Variants in TPRG1 observed in about 807,000 individuals in gnomAD.
The protein encoded by TPRG1 is tumor protein p63 regulated 1.
A neutral mutation model predicts 29.3 loss-of-function variants in TPRG1; 29 were observed. That is an observed-to-expected ratio of 0.99 (90% CI 0.74 to 1.35). The LOEUF (loss-of-function observed/expected upper bound fraction) is 1.35. TPRG1 is among the 40% of genes most tolerant of loss of function. TPRG1 has a pLI of 0.00. For missense variants in TPRG1, 327 were observed against 335.0 expected, an observed-to-expected ratio of 0.98 and a Z score of 0.19; for synonymous variants, 130 against 116.8, an observed-to-expected ratio of 1.11 and a Z score of -0.73.
At chr3:189,166,279 A>G (rs1728158085) in intron 5 of TPRG1, among the ~76,000 whole-genome samples, 1 of 152,164 alleles carries the variant, frequency 6.6e-6, no homozygotes, top group African/African-American at 2.4e-5. Context: ...CAAGTTTTTG[A>G]ATTGAACTGT....
intron 4 of TPRG1, among the ~76,000 whole-genome samples, chr3:189,281,673 A>G (rs185207548): frequency 5.3e-5 from 8 of 152,280 alleles, no homozygotes; most frequent in Non-Finnish European, 8.8e-5. Flanking sequence ...TAATGTATAA[A>G]TCCAAGCTAA....
intron 2 of TPRG1, among the ~76,000 whole-genome samples, chr3:189,210,003 T>C (rs576693544): frequency 4.6e-5 from 7 of 152,158 alleles, no homozygotes; most frequent in South Asian, 2.1e-4. Flanking sequence ...AATATAACTG[T>C]TGGCTTAACT....
intron 3 of TPRG1, among the ~76,000 whole-genome samples, chr3:189,230,327 T>C (rs1355627260): frequency 6.6e-6 from 1 of 152,210 alleles, no homozygotes; most frequent in Non-Finnish European, 1.5e-5. Context: ...AGCTGGATTC[T>C]GGCCTTGGCT....
At chr3:189,266,266 T>C (rs141157293) in intron 4 of TPRG1, among the ~76,000 whole-genome samples, 1 of 152,336 alleles carries the variant, frequency 6.6e-6, no homozygotes, top group African/African-American at 2.4e-5. Flanking sequence ...TACTTTCCAA[T>C]TTGCTTTGCT....
At chr3:189,216,040 A>T (rs1313188453) in intron 3 of TPRG1, among the ~76,000 whole-genome samples, 1 of 152,200 alleles carries the variant, frequency 6.6e-6, no homozygotes, top group Non-Finnish European at 1.5e-5. Context: ...TGTTTGTGTG[A>T]CCATCTCTTT....
rs1288135830 is a variant in TPRG1, at chr3:189,222,340, T to TA, written c.302+6965dup. On this transcript the variant is annotated intron_variant, in intron 3 of 5. Coordinates refer to ENST00000345063, the MANE Select transcript of TPRG1 (RefSeq NM_198485.4). ...ACCAATAATTAAAAAGGAAAAAGGT[T>TA]AAAAAAAACTGGAAATCAGAGATTT... Among the ~76,000 whole-genome samples, 28 of 152,036 alleles carry TA rather than the reference T, an allele frequency of 1.8e-4. No individual in the cohort carries two copies. The South Asian group carries it at 1.9e-3, about 10-fold the overall frequency.
chr3:189,168,462 T>A (rs1363751511), upstream of TPRG1, among the ~76,000 whole-genome samples: 1 of 152,216 alleles, frequency 6.6e-6, no homozygotes, highest in Non-Finnish European at 1.5e-5. Context: ...ATTCGTTTAC[T>A]CATCCACCCA....
intron 5 of TPRG1, among the ~76,000 whole-genome samples, chr3:189,166,401 C>T (rs763232044): frequency 2.6e-5 from 4 of 152,184 alleles, no homozygotes; most frequent in Non-Finnish European, 5.9e-5. Flanking sequence ...CAGTTTGATA[C>T]TTAGTAGCAT....
intron 4 of TPRG1, among the ~76,000 whole-genome samples, chr3:189,277,031 T>C (rs73184457): frequency 0.012 from 1,818 of 152,286 alleles, 19 homozygotes; most frequent in Non-Finnish European, 0.02. Context: ...GTCTCCACTA[T>C]AATTGCAGCA....
chr3:189,227,419 A>G (rs1175668127), intron 3 of TPRG1, among the ~76,000 whole-genome samples: 1 of 152,218 alleles, frequency 6.6e-6, no homozygotes, highest in East Asian at 1.9e-4. Flanking sequence ...TGTCCCTGGC[A>G]CAGGGCTTTG....
upstream of TPRG1, among the ~76,000 whole-genome samples, chr3:189,096,387 T>C (rs1718681423): frequency 6.6e-6 from 1 of 152,216 alleles, no homozygotes; most frequent in African/African-American, 2.4e-5. Flanking sequence ...GCACTTCATC[T>C]CTCCTCTGCT....
intron 3 of TPRG1, among the ~76,000 whole-genome samples, chr3:189,228,053 G>A (rs541128291): frequency 5.6e-4 from 85 of 152,174 alleles, no homozygotes; most frequent in African/African-American, 1.9e-3. Flanking sequence ...CCTGGGAGGC[G>A]GAGGTTGCAG....
intron 4 of TPRG1, among the ~76,000 whole-genome samples, chr3:189,244,855 A>G (rs1741146993): frequency 6.6e-6 from 1 of 152,134 alleles, no homozygotes; most frequent in Non-Finnish European, 1.5e-5. Context: ...TAACAAGATC[A>G]TGCTTTTCAC....
chr3:189,192,581 A>G (rs1438119659), intron 1 of TPRG1, among the ~76,000 whole-genome samples: 1 of 152,208 alleles, frequency 6.6e-6, no homozygotes, highest in Non-Finnish European at 1.5e-5. Flanking sequence ...GATCCTCAAG[A>G]GATCAAATAA....
At chr3:189,224,962 C>T (rs1311413421) in intron 3 of TPRG1, among the ~76,000 whole-genome samples, 7 of 146,258 alleles carry the variant, frequency 4.8e-5, no homozygotes, top group Non-Finnish European at 9.0e-5. Context: ...GACGGAGTCT[C>T]GCTCTGTTGC....
chr3:188,998,268 G>T (rs1395667968), intron 1 of TPRG1, among the ~76,000 whole-genome samples: 1 of 152,248 alleles, frequency 6.6e-6, no homozygotes, highest in African/African-American at 2.4e-5. Flanking sequence ...AAAGACCTTT[G>T]TAAGGAAATC....
intron 3 of TPRG1, among the ~76,000 whole-genome samples, chr3:189,014,416 C>T (rs1487997920): frequency 6.6e-6 from 1 of 152,036 alleles, no homozygotes; most frequent in Non-Finnish European, 1.5e-5. Context: ...GTGACTTGGC[C>T]TTTCTCTCTC....
intron 4 of TPRG1, chr3:189,267,846 TTG>T (rs1714385619): frequency 6.6e-6 from 1 of 152,188 alleles, no homozygotes. Context: ...GGCAGGCACA[TTG>T]CTGTATGTGA....
chr3:189,257,355 G>A (rs969038015), intron 4 of TPRG1, among the ~76,000 whole-genome samples: 1 of 152,114 alleles, frequency 6.6e-6, no homozygotes, highest in African/African-American at 2.4e-5. Flanking sequence ...TGGCTTGTAG[G>A]GTCTCTGCAG....
Sources: gnomAD v4.1 joint callset for allele counts (sites outside exome capture counted in the v4.1 genomes callset) on GRCh38, gnomAD v4.1.1 for gene constraint, MANE v1.5 for transcripts, NCBI Gene and HGNC (gene_info 2026-07-23, HGNC 2026-07-21) for gene names.